Variants in ZNF614 observed in about 807,000 individuals in gnomAD.
ZNF614 encodes the protein zinc finger protein 614.
In ZNF614, 11 loss-of-function variants were observed where a neutral mutation model predicts 12.8. The ratio of observed to expected loss-of-function variants is 0.86; its 90% CI spans 0.54 to 1.43. ZNF614 has a LOEUF of 1.43. Ranked by LOEUF, ZNF614 falls within the 40% of genes most tolerant of loss-of-function variation. The pLI, the probability that ZNF614 is intolerant of heterozygous loss-of-function variation, is 0.00. For missense variants in ZNF614, 664 were observed against 708.8 expected (o/e 0.94, Z 0.72); for synonymous variants, 237 against 237.5 (o/e 1.00, Z 0.02).
chr19:52,023,315 C>T (rs920089353), intron 2 of ZNF614, among the ~76,000 whole-genome samples: 3 of 151,780 alleles, frequency 2.0e-5, no homozygotes, highest in South Asian at 4.2e-4. Context: ...ACTATAGGCA[C>T]GTGCCACCAC....
Position 52,016,788 on chromosome 19 carries a change from C to T in ZNF614, c.810G>A (p.Val270=). 1 of 1,613,974 alleles carries T rather than the reference C, an allele frequency of 6.2e-7. No homozygotes were observed. Among genetic ancestry groups the T allele is most frequent in the Non-Finnish European group, 8.5e-7 (1 of 1,180,022 alleles). The change falls in exon 5 of 5, where the codon GTG becomes GTA. Residue 270 remains valine (V), a synonymous_variant. Coordinates refer to ENST00000270649, the MANE Select transcript of ZNF614 (RefSeq NM_025040.4). ...GTTGATGTGTAATGAGACTACTCTT[C>T]ACAGTAGAGCCTTTTCTATATTCAT... ...IPNEYRKGST[V]KSSLITHQQT... is the part of the protein sequence containing the mutation.
intron 2 of ZNF614, among the ~76,000 whole-genome samples, chr19:52,020,729 T>A (rs1028933023): frequency 2.0e-5 from 3 of 152,190 alleles, no homozygotes; most frequent in Non-Finnish European, 4.4e-5. Flanking sequence ...CAGAGTCATG[T>A]CATTGCCATA....
At position 52,015,911 on chromosome 19, in the gene ZNF614, T is replaced by TTG; in HGVS notation, c.1685_1686dup (p.Arg563GlnfsTer36). Reference sequence around the variant, plus strand: ...ACTTGACTGATTCTACCCATTTCTCTTGTGTGCATTTTCTTATGTTTGACA... The same window carrying TTG: ...ACTTGACTGATTCTACCCATTTCTCTTGTGTGTGCATTTTCTTATGTTTGACA... On this transcript the variant is annotated frameshift_variant, in exon 5 of 5. Coordinates refer to ENST00000270649, the MANE Select transcript of ZNF614 (RefSeq NM_025040.4). LOFTEE classifies it low-confidence loss of function (END_TRUNC). The TTG allele has an allele frequency of 6.2e-7, 1 of 1,614,184 alleles. No homozygotes were observed. Among genetic ancestry groups the TTG allele is most frequent in the Middle Eastern group, 1.7e-4 (1 of 6,058 alleles).
Position 52,016,432 on chromosome 19 carries a change from T to G in ZNF614, c.1166A>C (p.His389Pro). 3 of 1,614,216 alleles carry G rather than the reference T, an allele frequency of 1.9e-6. No individual in the cohort carries two copies. Among genetic ancestry groups the G allele is most frequent in the Non-Finnish European group, 2.5e-6 (3 of 1,180,016 alleles). Residue 389 changes from histidine (H) to proline (P), a missense_variant, in exon 5 of 5, where the codon CAT becomes CCT. Transcript: ENST00000270649. ...GFTVKSNLIV[H>P]QRSHTGEKSY... The stretch of plus-strand genomic sequence containing the variant: ...TTTTTCTCCTGTGTGGGAGCGCTGA[T>G]GTACAATGAGATTGCTCTTCACGGT...
chr19:52,016,987 G>C lies in ZNF614; in HGVS notation c.611C>G (p.Pro204Arg), dbSNP rs73052084. ...KHQRTQKIEKPHACIECEQTF... is the reference protein window; with the variant it reads ...KHQRTQKIEKRHACIECEQTF... ...TTGCTCACATTCAATGCATGCATGGGGTTTCTCAATTTTCTGAGTCCTCTG... is the reference window on the plus strand; with the variant it reads ...TTGCTCACATTCAATGCATGCATGGCGTTTCTCAATTTTCTGAGTCCTCTG... The change falls in exon 5 of 5, where the codon CCC becomes CGC. Residue 204 changes from proline to arginine, a missense_variant. Pro to Arg is a moderately radical substitution (Grantham distance 103). Transcript: ENST00000270649. 4 of 1,613,818 alleles carry C rather than the reference G, an allele frequency of 2.5e-6. No homozygotes were observed. The highest frequency in any genetic ancestry group is 3.4e-6 in the Non-Finnish European group (4 of 1,180,004).
Position 52,015,985 on chromosome 19 carries a change from G to C in ZNF614, c.1613C>G (p.Pro538Arg), listed in dbSNP as rs765567946. 1.2e-6 allele frequency: 2 copies of C among 1,614,140 alleles called. No homozygotes were observed. The highest frequency in any genetic ancestry group is 2.2e-5 in the South Asian group (2 of 91,084). ...VHQRTHTGER[P>R]YGCSDCEKAF... ...TTTCTCACAATCACTGCATCCATACGGCCTCTCTCCTGTATGCGTTCTTTG... is the reference window on the plus strand; with the variant it reads ...TTTCTCACAATCACTGCATCCATACCGCCTCTCTCCTGTATGCGTTCTTTG... The change falls in exon 5 of 5, where the codon CCG becomes CGG. Residue 538 changes from proline (P) to arginine (R), a missense_variant. Coordinates refer to ENST00000270649, the MANE Select transcript of ZNF614 (RefSeq NM_025040.4).
chr19:52,020,019 T>G (rs2086923936), intron 2 of ZNF614, among the ~76,000 whole-genome samples: 1 of 152,298 alleles, frequency 6.6e-6, no homozygotes, highest in East Asian at 1.9e-4. Flanking sequence ...AAAGTTAAAT[T>G]TCTACCTCAC....
In ZNF614 at chr19:52,014,023, C is replaced by T. The variant is rs1010186373; in HGVS notation, c.*1817G>A. 5.3e-5 allele frequency: 8 copies of T among 152,190 alleles called. No homozygotes were observed. The highest frequency in any genetic ancestry group is 2.1e-4 in the South Asian group (1 of 4,806). 9.4% of individuals were successfully genotyped at this position (152,190 alleles called of 1,614,324 possible). A position where few individuals can be genotyped will look rare whatever the true frequency, so the allele number is the denominator to read the frequency against. On this transcript the variant is annotated 3_prime_UTR_variant, in exon 5 of 5. Transcript: ENST00000270649. ...TTTAAGTTGAAGGTGGTTTTATAAA[C>T]TGATCATCTCTATAATCTTAGTTAA... is the stretch of plus-strand genomic sequence containing the variant.
intron 4 of ZNF614, chr19:52,017,760 G>A: frequency 2.7e-6 from 1 of 375,216 alleles, no homozygotes. Flanking sequence ...GCTCTTTATT[G>A]TCAACTCTAC....
intron 1 of ZNF614, among the ~76,000 whole-genome samples, chr19:52,027,029 G>C (rs1293803998): frequency 6.6e-6 from 1 of 152,204 alleles, no homozygotes; most frequent in Non-Finnish European, 1.5e-5. Context: ...ACCAGTGCCA[G>C]CGTGGGTCCT....
intron 2 of ZNF614, among the ~76,000 whole-genome samples, chr19:52,023,498 C>T (rs971100946): frequency 2.0e-5 from 3 of 152,112 alleles, no homozygotes; most frequent in East Asian, 1.9e-4. Context: ...CCTTTCAGTT[C>T]CAATCCTCTA....
rs918376141 is a variant in ZNF614 at position 52,015,688 on chromosome 19, C to T, written c.*152G>A. 2 of 702,922 alleles carry T rather than the reference C, an allele frequency of 2.8e-6. No individual in the cohort carries two copies. The highest frequency in any genetic ancestry group is 2.0e-5 in the South Asian group (1 of 49,446). 43.5% of individuals were successfully genotyped at this position (702,922 alleles called of 1,614,324 possible). A position where few individuals can be genotyped will look rare whatever the true frequency, so the allele number is the denominator to read the frequency against. On this transcript the variant is annotated 3_prime_UTR_variant, in exon 5 of 5. Coordinates refer to ENST00000270649, the MANE Select transcript of ZNF614 (RefSeq NM_025040.4). ...AATTGATCTCTAGGGCAAATTATTT[C>T]ACCTCCTGAGGACAGACACACATCT...
intron 2 of ZNF614, among the ~76,000 whole-genome samples, chr19:52,024,676 A>T (rs1181456154): frequency 6.6e-6 from 1 of 152,228 alleles, no homozygotes; most frequent in Non-Finnish European, 1.5e-5. Flanking sequence ...ATTTAGGGCT[A>T]TGCAGAATGT....
rs2086891686 is a variant in ZNF614 at position 52,015,703 on chromosome 19, G to GAC, written c.*135_*136dup. The GAC allele has an allele frequency of 1.2e-6, 1 of 814,912 alleles. No homozygotes were observed. Among genetic ancestry groups the GAC allele is most frequent in the African/African-American group, 1.7e-5 (1 of 58,246 alleles). The allele number at this position is 814,912 out of a possible 1,614,324, so 50.5% of individuals were successfully genotyped here. A position where few individuals can be genotyped will look rare whatever the true frequency, so the allele number is the denominator to read the frequency against. On this transcript the variant is annotated 3_prime_UTR_variant, in exon 5 of 5. Coordinates refer to ENST00000270649, the MANE Select transcript of ZNF614 (RefSeq NM_025040.4). ...CAAATTATTTCACCTCCTGAGGACA[G>GAC]ACACACATCTGTCAACAGGCAGCAC...
chr19:52,016,560 A>C lies in ZNF614; in HGVS notation c.1038T>G (p.Ser346Arg). ...TCATGGTGAAGCCTTTTCCACATTC[A>C]CTGCATATATAGGGTTTCTCCCCTG... is the stretch of plus-strand genomic sequence containing the variant. ...THTGEKPYIC[S>R]ECGKGFTMKR... The change falls in exon 5 of 5, where the codon AGT becomes AGG. Residue 346 changes from serine (S) to arginine (R), a missense_variant. By Grantham distance (110) the Ser-to-Arg change is moderately radical (BLOSUM62 -1). Transcript: ENST00000270649. The C allele has an allele frequency of 6.2e-7, 1 of 1,614,010 alleles. No homozygotes were observed.
At position 52,014,611 on chromosome 19, in the gene ZNF614, T is replaced by C. The variant is rs1479005383; in HGVS notation, c.*1229A>G. ...ACATAGAGTAAAGCCTAAAAAGGGT[T>C]CTCCTAATCTCAGGAGCCTCTACCC... On this transcript the variant is annotated 3_prime_UTR_variant, in exon 5 of 5. Coordinates refer to ENST00000270649, the MANE Select transcript of ZNF614 (RefSeq NM_025040.4). The C allele has an allele frequency of 1.3e-5, 2 of 152,170 alleles. No homozygotes were observed. The highest frequency in any genetic ancestry group is 4.1e-4 in the South Asian group (2 of 4,830). The allele number at this position is 152,170 out of a possible 1,614,324, so 9.4% of individuals were successfully genotyped here. A position where few individuals can be genotyped will look rare whatever the true frequency, so the allele number is the denominator to read the frequency against.
chr19:52,018,063 T>G lies in ZNF614; in HGVS notation c.183A>C (p.Ala61=). ...CTGTTGTCCATGGTTCTTGTCCATGTGCCAACTTGGAGAGTACATCTGGTT... is the reference window on the plus strand; with the variant it reads ...CTGTTGTCCATGGTTCTTGTCCATGGGCCAACTTGGAGAGTACATCTGGTT... ...TSKPDVLSKL[A]HGQEPWTTDA... Residue 61 remains alanine (A), a synonymous_variant, in exon 4 of 5, where the codon GCA becomes GCC. Coordinates refer to ENST00000270649, the MANE Select transcript of ZNF614 (RefSeq NM_025040.4). 1 of 1,614,126 alleles carries G rather than the reference T, an allele frequency of 6.2e-7. No individual in the cohort carries two copies. The highest frequency in any genetic ancestry group is 8.5e-7 in the Non-Finnish European group (1 of 1,180,000).
intron 1 of ZNF614, among the ~76,000 whole-genome samples, 162 bp downstream of exon 1, chr19:52,028,080 C>T (rs1339946939): frequency 6.6e-6 from 1 of 152,208 alleles, no homozygotes; most frequent in Non-Finnish European, 1.5e-5. Context: ...TCGGACTCGT[C>T]GCTGATTTCC....
intron 1 of ZNF614, among the ~76,000 whole-genome samples, chr19:52,026,748 T>C (rs1252712051): frequency 6.6e-6 from 1 of 152,186 alleles, no homozygotes; most frequent in Non-Finnish European, 1.5e-5. Context: ...TAAAACCCCA[T>C]TGTCTGTTCT....
Sources: gnomAD v4.1 joint callset for allele counts (sites outside exome capture counted in the v4.1 genomes callset) on GRCh38, gnomAD v4.1.1 for gene constraint, MANE v1.5 for transcripts, NCBI Gene and HGNC (gene_info 2026-07-23, HGNC 2026-07-21) for gene names.